TTN: variants seen among roughly 807,000 people sequenced by gnomAD.
The protein encoded by TTN is titin, also known as connectin.
TTN carries 1,525 observed loss-of-function variants against 3,223.0 expected under a neutral mutation model. The observed-to-expected ratio is 0.47, with a 90% CI of 0.45 to 0.49. The LOEUF is 0.49. Among genes scored for constraint, TTN ranks in the 20% least tolerant of loss-of-function variants. TTN has a pLI of 0.00. For synonymous variants in TTN, 14,094 were observed against 15,161.0 expected, an observed-to-expected ratio of 0.93 and a Z score of 5.17; for missense variants, 40,786 against 43,424.0, an observed-to-expected ratio of 0.94 and a Z score of 5.40.
intron 48 of TTN, 25 bp from the exon 49 acceptor site, chr2:178,738,385 A>G: frequency 1.3e-6 from 2 of 1,591,786 alleles, no homozygotes; most frequent in Non-Finnish European, 1.7e-6. Flanking sequence ...AGAGTCCATT[A>G]ACATGCCTCC....
chr2:178,553,063 G>C lies in TTN; in HGVS notation c.89837C>G (p.Ser29946Cys), dbSNP rs1019701643. 3.7e-6 allele frequency: 6 copies of C among 1,612,610 alleles called. No individual in the cohort carries two copies. The highest frequency in any genetic ancestry group is 1.3e-5 in the African/African-American group (1 of 74,908). Residue 29946 changes from serine to cysteine, a missense_variant, in exon 335 of 363, where the codon TCT (serine) becomes TGT (cysteine). Ser to Cys is a moderately radical substitution (Grantham distance 112). Transcript: ENST00000589042. ...CCAGAGCAAAGTGACTGTGCCTCGA[G>C]AAACATGTTTAACCTGTAGTTTCTG... ...ACQKLQVKHV[S>C]RGTVTLLWDP... is the part of the protein sequence containing the mutation.
At position 178,696,031 on chromosome 2, in the gene TTN, C is replaced by T. The variant is rs749890190; in HGVS notation, c.31041G>A (p.Glu10347=). The T allele has an allele frequency of 1.3e-6, 2 of 1,550,578 alleles. No individual in the cohort carries two copies. The highest frequency in any genetic ancestry group is 1.7e-6 in the Non-Finnish European group (2 of 1,146,478). ...CTTCTTTTTTAGCTTCTACCTTAAT[C>T]TCTTCATAGTCTTCATCTGGTTCTT... ...YYEEPDEDYE[E]IKVEAKKEVH... The change falls in exon 114 of 363, where the codon GAG becomes GAA. Residue 10347 remains glutamate, a synonymous_variant. Coordinates refer to ENST00000589042, the MANE Select transcript of TTN (RefSeq NM_001267550.2).
At chr2:178,786,943 C>A (rs1355533927) in intron 13 of TTN, among the ~76,000 whole-genome samples, 1 of 152,042 alleles carries the variant, frequency 6.6e-6, no homozygotes, top group Admixed American at 6.6e-5. Context: ...AATGGAAATA[C>A]AATTTGCAGA....
Position 178,618,510 on chromosome 2 carries a change from G to C in TTN, c.46967-19C>G, listed in dbSNP as rs755875136. 1.9e-5 allele frequency: 30 copies of C among 1,609,680 alleles called. No homozygotes were observed. The highest frequency in any genetic ancestry group is 1.1e-4 in the East Asian group (5 of 44,676). On this transcript the variant is annotated intron_variant, in intron 251 of 362. Transcript: ENST00000589042. ...GGAACATCTGAAATTCACATATAGAGGAATTTTTTTAGTGTGCTGTCTTGC... is the reference window on the plus strand; with the variant it reads ...GGAACATCTGAAATTCACATATAGACGAATTTTTTTAGTGTGCTGTCTTGC...
Position 178,682,756 on chromosome 2 carries a change from T to C in TTN, c.33035A>G (p.Tyr11012Cys), listed in dbSNP as rs2069769452. ...ATACTCCCGCTCCTCGTATTCTTCA[T>C]ATTGGTCATATTCTTCTGTTGGTTC... ...EYEPTEEYDQ[Y>C]EEYEEREYER... Residue 11012 changes from tyrosine (Y) to cysteine (C), a missense_variant, in exon 135 of 363, where the codon TAT becomes TGT. Coordinates refer to ENST00000589042, the MANE Select transcript of TTN (RefSeq NM_001267550.2). 1.2e-6 allele frequency: 2 copies of C among 1,613,148 alleles called. No homozygotes were observed. The highest frequency in any genetic ancestry group is 1.7e-6 in the Non-Finnish European group (2 of 1,179,302).
In TTN at chr2:178,566,451, T is replaced by A. The variant is rs777951468; in HGVS notation, c.79681A>T (p.Ile26561Leu). Reference sequence around the variant, plus strand: ...ACTTTGTTGAGGGCACAGACTCGTATTTTATACTCTTGGTGTTCAGTGAGT... The same window carrying A: ...ACTTTGTTGAGGGCACAGACTCGTAATTTATACTCTTGGTGTTCAGTGAGT... ...SKLTEHQEYK[I>L]RVCALNKVGL... The change falls in exon 326 of 363, where the codon ATA becomes TTA. Residue 26561 changes from isoleucine to leucine, a missense_variant. Physicochemically the swap from Ile to Leu is conservative, Grantham distance 5 (BLOSUM62 2). Transcript: ENST00000589042. 8 of 1,613,456 alleles carry A rather than the reference T, an allele frequency of 5.0e-6. No individual in the cohort carries two copies. In the South Asian group the frequency reaches 7.7e-5, roughly 15 times the overall value.
intron 60 of TTN, 48 bp from the exon 61 acceptor site, chr2:178,730,840 ATTTG>A (rs751222910): frequency 1.7e-4 from 255 of 1,532,810 alleles, no homozygotes; most frequent in Non-Finnish European, 1.7e-4. Context: ...CAATCTACTA[ATTTG>A]TTTTTGTTTT....
At position 178,727,269 on chromosome 2, in the gene TTN, A is replaced by G. The variant is rs907862282; in HGVS notation, c.20096T>C (p.Val6699Ala). ...CKIAGSPEIR[V>A]VWFRNEHELP... ...TTCATGTTCATTTCGGAACCACACA[A>G]CTCTGATTTCTGGGGATCCAGCTAT... The change falls in exon 69 of 363, where the codon GTT becomes GCT. Residue 6699 changes from valine (V) to alanine (A), a missense_variant. Val to Ala is a moderately conservative substitution (Grantham distance 64). Transcript: ENST00000589042. 2.5e-6 allele frequency: 4 copies of G among 1,612,958 alleles called. No individual in the cohort carries two copies. In the East Asian group the frequency reaches 6.7e-5, roughly 27 times the overall value.
At chr2:178,678,880 A>C in intron 142 of TTN, 50 bp from the exon 143 acceptor site, 2 of 1,491,376 alleles carry the variant, frequency 1.3e-6, no homozygotes, top group South Asian at 1.3e-5. Context: ...CCCATAGCTA[A>C]GATTTTAAGG....
chr2:178,585,484 T>A, intron 308 of TTN, 137 bp from the exon 309 acceptor site: 1 of 876,100 alleles, frequency 1.1e-6, no homozygotes. Flanking sequence ...GGGATACATA[T>A]GCAGAATGTG....
chr2:178,546,025 T>C lies in TTN; in HGVS notation c.95211A>G (p.Gly31737=), dbSNP rs1696938247. 6.2e-7 allele frequency: 1 copy of C among 1,613,776 alleles called. No individual in the cohort carries two copies. The change falls in exon 343 of 363, where the codon GGA becomes GGG. Residue 31737 remains glycine, a synonymous_variant. Coordinates refer to ENST00000589042, the MANE Select transcript of TTN (RefSeq NM_001267550.2). ...LAWSLPQEDG[G]AEITHYIVER... is the part of the protein sequence containing the mutation. ...CCACGATGTAGTGAGTGATTTCTGCTCCTCCGTCTTCCTGCGGAAGGCTCC... is the reference window on the plus strand; with the variant it reads ...CCACGATGTAGTGAGTGATTTCTGCCCCTCCGTCTTCCTGCGGAAGGCTCC...
Position 178,567,005 on chromosome 2 carries a change from G to C in TTN, c.79127C>G (p.Ala26376Gly). The change falls in exon 326 of 363, where the codon GCA becomes GGA. Residue 26376 changes from alanine to glycine, a missense_variant. Coordinates refer to ENST00000589042, the MANE Select transcript of TTN (RefSeq NM_001267550.2). ...KYGVGEPLES[A>G]PVLMKNPFVL... ...AAATGGATTTTTCATTAGTACTGGT[G>C]CAGATTCCAAAGGCTCTCCAACACC... The C allele has an allele frequency of 6.2e-7, 1 of 1,613,576 alleles. No individual in the cohort carries two copies. Among genetic ancestry groups the C allele is most frequent in the Non-Finnish European group, 8.5e-7 (1 of 1,179,652 alleles).
chr2:178,566,123 C>T lies in TTN; in HGVS notation c.80009G>A (p.Gly26670Glu). Residue 26670 changes from glycine (G) to glutamate (E), a missense_variant, in exon 326 of 363, where the codon GGA (glycine) becomes GAA (glutamate). Coordinates refer to ENST00000589042, the MANE Select transcript of TTN (RefSeq NM_001267550.2). ...CACAGTTACAAAAGCAGACTTTGAT[C>T]CACTGCTGTTTTCCAACTTAAGAAT... ...KYILKLENSS[G>E]SKSAFVTVKV... is the part of the protein sequence containing the mutation. 2 of 1,613,642 alleles carry T rather than the reference C, an allele frequency of 1.2e-6. No individual in the cohort carries two copies. The highest frequency in any genetic ancestry group is 1.7e-6 in the Non-Finnish European group (2 of 1,179,672).
chr2:178,579,516 CG>C (rs767313115), intron 319 of TTN, 44 bp downstream of exon 319: 3 of 1,602,214 alleles, frequency 1.9e-6, no homozygotes, highest in Admixed American at 1.7e-5. Flanking sequence ...AGTGCACTTT[CG>C]ATGACAATAA....
Position 178,564,328 on chromosome 2 carries a change from A to G in TTN, c.81804T>C (p.Asp27268=), listed in dbSNP as rs762793856. 4.3e-6 allele frequency: 7 copies of G among 1,613,628 alleles called. No homozygotes were observed. Among genetic ancestry groups the G allele is most frequent in the Non-Finnish European group, 5.9e-6 (7 of 1,179,738 alleles). ...GAGAGGCATTTGGTGCATCAATTTCATCTCTTGCAGTAATGGCACCACTAC... is the reference window on the plus strand; with the variant it reads ...GAGAGGCATTTGGTGCATCAATTTCGTCTCTTGCAGTAATGGCACCACTAC... ...SDSSGAITAR[D]EIDAPNASLD... Residue 27268 remains aspartate, a synonymous_variant, in exon 326 of 363, where the codon GAT becomes GAC. Coordinates refer to ENST00000589042, the MANE Select transcript of TTN (RefSeq NM_001267550.2).
intron 243 of TTN, 75 bp downstream of exon 243, chr2:178,622,595 T>C: frequency 7.9e-7 from 1 of 1,264,976 alleles, no homozygotes; most frequent in South Asian, 1.5e-5. Flanking sequence ...AACTTTTTTT[T>C]TTCCATTTTG....
In TTN at chr2:178,590,736, A is replaced by C. The variant is rs780137240; in HGVS notation, c.60989T>G (p.Phe20330Cys). 1.2e-6 allele frequency: 2 copies of C among 1,612,128 alleles called. No homozygotes were observed. The change falls in exon 304 of 363, where the codon TTC becomes TGC. Residue 20330 changes from phenylalanine to cysteine, a missense_variant. Transcript: ENST00000589042. Reference protein sequence around the residue: ...VNKTPIADLKFRVTGLYEGNT... With the variant: ...VNKTPIADLKCRVTGLYEGNT... ...TCCTTCATAGAGTCCAGTCACTCTG[A>C]ACTTCAGGTCAGCGATAGGTGTTTT... is the stretch of plus-strand genomic sequence containing the variant.
chr2:178,698,704 G>C, intron 112 of TTN, 139 bp downstream of exon 112: 1 of 764,122 alleles, frequency 1.3e-6, no homozygotes, highest in Admixed American at 3.2e-5. Context: ...AGTCAAAGAC[G>C]AGGGCGAAAG....
chr2:178,549,119 G>A lies in TTN; in HGVS notation c.92507C>T (p.Thr30836Ile). The A allele has an allele frequency of 1.2e-6, 2 of 1,613,862 alleles. No homozygotes were observed. Among genetic ancestry groups the A allele is most frequent in the Non-Finnish European group, 1.7e-6 (2 of 1,179,826 alleles). The change falls in exon 339 of 363, where the codon ACA (threonine) becomes ATA (isoleucine). Residue 30836 changes from threonine to isoleucine, a missense_variant. Thr to Ile is a moderately conservative substitution (Grantham distance 89). Coordinates refer to ENST00000589042, the MANE Select transcript of TTN (RefSeq NM_001267550.2). ...TTTGGACCATTCTAAGCTCACAGTT[G>A]TCTTTGATGTGTCTGTTACTTTGAC... is the stretch of plus-strand genomic sequence containing the variant. ...TVVKVTDTSK[T>I]TVSLEWSKPV...
Sources: gnomAD v4.1 joint callset for allele counts (sites outside exome capture counted in the v4.1 genomes callset) on GRCh38, gnomAD v4.1.1 for gene constraint, MANE v1.5 for transcripts, NCBI Gene and HGNC (gene_info 2026-07-23, HGNC 2026-07-21) for gene names.